The following RERG variants were observed in gnomAD, a reference collection of about 807,000 sequenced individuals.
The protein encoded by RERG is ras-related and estrogen-regulated growth inhibitor.
A neutral mutation model predicts 23.2 loss-of-function variants in RERG; 25 were observed. That is an observed-to-expected ratio of 1.08 (90% confidence interval 0.79 to 1.50). The LOEUF (loss-of-function observed/expected upper bound fraction) is 1.50. RERG is among the 40% of genes most tolerant of loss of function. The probability of loss-of-function intolerance (pLI) is 0.00; values close to 1 mark genes in which losing one functional copy is unlikely to be tolerated. For missense variants in RERG, 253 were observed against 250.1 expected (o/e 1.01, Z -0.08); for synonymous variants, 81 against 89.1 (o/e 0.91, Z 0.51).
In RERG at chr12:15,108,094, A is replaced by G. The variant is rs1279553895; in HGVS notation, c.*1016T>C. On this transcript the variant is annotated 3_prime_UTR_variant, in exon 5 of 5. Coordinates refer to ENST00000256953, the MANE Select transcript of RERG (RefSeq NM_032918.3). The stretch of plus-strand genomic sequence containing the variant: ...ATTTATTCAGCTGTAATGAACTTTA[A>G]TCACCCATTCTTTTCTGAATTCTCC... 2.0e-5 allele frequency: 3 copies of G among 152,620 alleles called. No homozygotes were observed. The highest frequency in any genetic ancestry group is 2.9e-5 in the Non-Finnish European group (2 of 68,026). 9.5% of individuals were successfully genotyped at this position (152,620 alleles called of 1,614,324 possible). A position where few individuals can be genotyped will look rare whatever the true frequency, so the allele number is the denominator to read the frequency against.
intron 2 of RERG, among the ~76,000 whole-genome samples, chr12:15,193,666 T>C (rs1865103088): frequency 6.6e-6 from 1 of 152,172 alleles, no homozygotes. Context: ...GGGTCCACAA[T>C]ATAATAATGA....
In RERG at chr12:15,111,266, G is replaced by T. The variant is rs1863608007; in HGVS notation, c.192+78C>A. On this transcript the variant is annotated intron_variant, in intron 4 of 4. Transcript: ENST00000256953. The stretch of plus-strand genomic sequence containing the variant: ...ATGCAAAAGTTAGTTGAAGAAAAGT[G>T]CCTTATTTTTGTTCATAGCATAGAT... The T allele has an allele frequency of 5.5e-6, 6 of 1,083,128 alleles. No individual in the cohort carries two copies. The South Asian group carries it at 8.6e-5, about 16-fold the overall frequency. 67.1% of individuals were successfully genotyped at this position (1,083,128 alleles called of 1,614,324 possible).
chr12:15,140,902 T>C (rs763130770), intron 2 of RERG, among the ~76,000 whole-genome samples: 1 of 152,178 alleles, frequency 6.6e-6, no homozygotes, highest in Non-Finnish European at 1.5e-5. Flanking sequence ...TGGTATTTAC[T>C]CTACTTGGTG....
chr12:15,213,314 T>C (rs1865394460), intron 2 of RERG, among the ~76,000 whole-genome samples: 1 of 152,222 alleles, frequency 6.6e-6, no homozygotes, highest in South Asian at 2.1e-4. Flanking sequence ...TATTGGCAAG[T>C]CTTATCACTT....
rs776923940 is a variant in RERG, at chr12:15,217,433, C to T, written c.57G>A (p.Lys19=). The change falls in exon 2 of 5, where the codon AAG becomes AAA. Residue 19 remains lysine (K), a synonymous_variant. Coordinates refer to ENST00000256953, the MANE Select transcript of RERG (RefSeq NM_032918.3). ...CAACCACAACGAAAATCTTACCTGA[C>T]TTGCCCACGCCTGCTCTCCCAAATA... The part of the protein sequence containing the change: ...LAIFGRAGVG[K]SALVVRFLTK... 22 of 1,611,686 alleles carry T rather than the reference C, an allele frequency of 1.4e-5. No homozygotes were observed. The highest frequency in any genetic ancestry group is 1.9e-5 in the Non-Finnish European group (22 of 1,177,832).
At chr12:15,195,780 A>C (rs1377834032) in intron 2 of RERG, among the ~76,000 whole-genome samples, 7 of 152,102 alleles carry the variant, frequency 4.6e-5, no homozygotes, top group African/African-American at 1.4e-4. Context: ...TACATTGCTA[A>C]TATGCCACCC....
intron 2 of RERG, among the ~76,000 whole-genome samples, chr12:15,200,357 A>G (rs1472538277): frequency 6.6e-6 from 1 of 152,084 alleles, no homozygotes. Context: ...ATGTGTGCCA[A>G]TCATTCATCC....
At chr12:15,117,859 C>T (rs1863757938) in intron 3 of RERG, among the ~76,000 whole-genome samples, 1 of 152,106 alleles carries the variant, frequency 6.6e-6, no homozygotes, top group Admixed American at 6.5e-5. Context: ...CAGATAATTG[C>T]TGCCACCACC....
chr12:15,207,999 G>A (rs1198555705), intron 2 of RERG, among the ~76,000 whole-genome samples: 1 of 152,098 alleles, frequency 6.6e-6, no homozygotes, highest in Non-Finnish European at 1.5e-5. Flanking sequence ...TAATGTAAGG[G>A]TTTTGTCGAT....
intron 2 of RERG, among the ~76,000 whole-genome samples, chr12:15,155,969 C>T (rs1451634395): frequency 6.7e-6 from 1 of 148,862 alleles, no homozygotes; most frequent in Admixed American, 6.8e-5. Context: ...ACAAAGTGCA[C>T]ATGTACCCTA....
chr12:15,205,093 T>C (rs1201951789), intron 2 of RERG, among the ~76,000 whole-genome samples: 1 of 149,914 alleles, frequency 6.7e-6, no homozygotes, highest in Non-Finnish European at 1.5e-5. Context: ...AATTATCTAA[T>C]ATTATTTCAA....
At chr12:15,126,143 A>ATATATATATATATATATC (rs1863935971) in intron 2 of RERG, among the ~76,000 whole-genome samples, 1 of 141,674 alleles carries the variant, frequency 7.1e-6, no homozygotes, top group South Asian at 2.3e-4. Flanking sequence ...ATATATATAT[A>ATATATATATATATATATC]TATATATATG....
chr12:15,159,338 T>C (rs1864570154), intron 2 of RERG, among the ~76,000 whole-genome samples: 1 of 152,208 alleles, frequency 6.6e-6, no homozygotes, highest in South Asian at 2.1e-4. Flanking sequence ...TTTGCATAAT[T>C]TGCTGCCTTA....
chr12:15,113,723 C>G (rs974318412), intron 3 of RERG, among the ~76,000 whole-genome samples: 79 of 151,794 alleles, frequency 5.2e-4, no homozygotes, highest in African/African-American at 1.9e-3. Context: ...AAGTTTGTAA[C>G]AGAAAATGAA....
intron 2 of RERG, among the ~76,000 whole-genome samples, chr12:15,126,818 T>C (rs1863955076): frequency 1.3e-5 from 2 of 150,406 alleles, no homozygotes; most frequent in African/African-American, 4.9e-5. Context: ...CCCGGGTTCA[T>C]GCCATTCTCC....
chr12:15,140,481 A>G (rs1316884396), intron 2 of RERG, among the ~76,000 whole-genome samples: 1 of 140,856 alleles, frequency 7.1e-6, no homozygotes, highest in Non-Finnish European at 1.5e-5. Flanking sequence ...ATTTTACGTT[A>G]TTTATTCTTT....
chr12:15,109,275 G>A lies in RERG; in HGVS notation c.435C>T (p.Tyr145=). ...CTTCTCCAGTGCAGGCAGAGCACTC[G>A]TAAAAAGCACAAGCCAATTCTGTGG... is the stretch of plus-strand genomic sequence containing the variant. ...KLATELACAF[Y]ECSACTGEGN... Residue 145 remains tyrosine, a synonymous_variant, in exon 5 of 5, where the codon TAC becomes TAT. Transcript: ENST00000256953. 1.9e-6 allele frequency: 3 copies of A among 1,614,088 alleles called. No individual in the cohort carries two copies. The highest frequency in any genetic ancestry group is 1.7e-4 in the Middle Eastern group (1 of 6,056).
chr12:15,166,420 T>G (rs897926194), intron 2 of RERG, among the ~76,000 whole-genome samples: 3 of 152,150 alleles, frequency 2.0e-5, no homozygotes, highest in African/African-American at 7.2e-5. Context: ...CTTTTTAATT[T>G]TGGGACTCTG....
chr12:15,160,884 C>T (rs1008142671), intron 2 of RERG, among the ~76,000 whole-genome samples: 2 of 151,588 alleles, frequency 1.3e-5, no homozygotes, highest in Non-Finnish European at 2.9e-5. Context: ...CACCTGTAAT[C>T]CCAGCACTTC....
Sources: gnomAD v4.1 joint callset for allele counts (sites outside exome capture counted in the v4.1 genomes callset) on GRCh38, gnomAD v4.1.1 for gene constraint, MANE v1.5 for transcripts, NCBI Gene and HGNC (gene_info 2026-07-23, HGNC 2026-07-21) for gene names.